CEP83: variants seen among roughly 807,000 people sequenced by gnomAD.
The protein encoded by CEP83 is centrosomal protein 83, also known as centrosomal protein of 83 kDa.
CEP83 carries 70 observed loss-of-function variants against 101.9 expected under a neutral mutation model. The observed-to-expected ratio is 0.69, with a 90% confidence interval of 0.57 to 0.84. The LOEUF (loss-of-function observed/expected upper bound fraction) is 0.84, where lower values mean the gene tolerates loss of function less well. CEP83 is among the 40% of genes least tolerant of loss of function. The pLI is 0.00. For synonymous variants in CEP83, 264 were observed against 267.9 expected (o/e 0.99, Z 0.14); for missense variants, 715 against 787.2 (o/e 0.91, Z 1.10).
chr12:94,332,253 G>A (rs1272095546), intron 13 of CEP83, among the ~76,000 whole-genome samples: 2 of 152,126 alleles, frequency 1.3e-5, no homozygotes, highest in African/African-American at 2.4e-5. Context: ...ATCAAGCCTG[G>A]TATCAAATCT....
downstream of CEP83, chr12:94,305,346 T>C: frequency 1.1e-6 from 1 of 920,098 alleles, no homozygotes. Context: ...GCAAAATGGC[T>C]GCTTGAGCTA....
downstream of CEP83, among the ~76,000 whole-genome samples, chr12:94,304,601 C>G (rs1031500853): frequency 3.9e-5 from 6 of 152,122 alleles, no homozygotes; most frequent in African/African-American, 1.2e-4. Context: ...GATTCCCCCC[C>G]AATCATGCTG....
At chr12:94,455,157 G>A (rs1315752649) in intron 1 of CEP83, among the ~76,000 whole-genome samples, 1 of 152,176 alleles carries the variant, frequency 6.6e-6, no homozygotes, top group Non-Finnish European at 1.5e-5. Context: ...TCTCTATGTG[G>A]AAAACAATGT....
chr12:94,300,484 A>AGGGCCAGGT, the CEP83 span, among the ~76,000 whole-genome samples: 1 of 152,112 alleles, frequency 6.6e-6, no homozygotes, highest in Non-Finnish European at 1.5e-5. Flanking sequence ...GTGGGATAGG[A>AGGGCCAGGT]GGGCCAGGTC....
At chr12:94,366,254 T>C (rs769456093) in intron 11 of CEP83, among the ~76,000 whole-genome samples, 11 of 151,948 alleles carry the variant, frequency 7.2e-5, no homozygotes, top group African/African-American at 1.7e-4. Flanking sequence ...CAGAATAGAA[T>C]AGAAAGAATA....
chr12:94,368,675 T>G (rs773421294), intron 9 of CEP83: 8 of 152,530 alleles, frequency 5.2e-5, no homozygotes, highest in African/African-American at 1.9e-4. Flanking sequence ...CTTTCAAGTT[T>G]GTACAATGAA....
At chr12:94,441,941 A>G (rs2066440839) in intron 1 of CEP83, among the ~76,000 whole-genome samples, 1 of 151,524 alleles carries the variant, frequency 6.6e-6, no homozygotes, top group African/African-American at 2.4e-5. Flanking sequence ...AAAAAAACTA[A>G]AAGTAGAACT....
chr12:94,336,392 T>C (rs2059448657), intron 11 of CEP83, among the ~76,000 whole-genome samples: 1 of 152,212 alleles, frequency 6.6e-6, no homozygotes, highest in Non-Finnish European at 1.5e-5. Flanking sequence ...TTCAAACGCC[T>C]ATCTCAAATA....
chr12:94,356,480 T>G (rs1406749377), intron 11 of CEP83, among the ~76,000 whole-genome samples: 2 of 152,196 alleles, frequency 1.3e-5, no homozygotes, highest in African/African-American at 4.8e-5. Flanking sequence ...CAGTGACTGT[T>G]CGAGCAGCGC....
At chr12:94,337,843 G>A (rs1255153480) in intron 11 of CEP83, among the ~76,000 whole-genome samples, 1 of 152,130 alleles carries the variant, frequency 6.6e-6, no homozygotes, top group Non-Finnish European at 1.5e-5. Flanking sequence ...AGGGGAAAAG[G>A]ACATTTTCAA....
chr12:94,397,812 A>AT (rs1163220432), intron 6 of CEP83, among the ~76,000 whole-genome samples: 1 of 152,164 alleles, frequency 6.6e-6, no homozygotes, highest in Non-Finnish European at 1.5e-5. Context: ...TTTTCCACAA[A>AT]TTTTTACATG....
At chr12:94,303,856 C>T (rs1315008954), downstream of CEP83, 1 of 1,608,172 alleles carries the variant, frequency 6.2e-7, no homozygotes, top group Admixed American at 1.7e-5. Flanking sequence ...CCTCCATTGT[C>T]ATCCTCAGAA....
chr12:94,344,897 C>T (rs534959858), intron 11 of CEP83, among the ~76,000 whole-genome samples: 32 of 152,218 alleles, frequency 2.1e-4, no homozygotes, highest in Non-Finnish European at 3.2e-4. Flanking sequence ...AGGTAGAGGA[C>T]GTGCACTACC....
At chr12:94,346,249 C>CT (rs2136689892) in intron 11 of CEP83, among the ~76,000 whole-genome samples, 1 of 152,132 alleles carries the variant, frequency 6.6e-6, no homozygotes, top group South Asian at 2.1e-4. Flanking sequence ...GACGGGGTTT[C>CT]ACTATGTTGG....
chr12:94,429,274 G>A (rs1473679109), intron 2 of CEP83, among the ~76,000 whole-genome samples: 1 of 152,078 alleles, frequency 6.6e-6, no homozygotes, highest in Non-Finnish European at 1.5e-5. Context: ...AGATGCCCAG[G>A]GGTCCACATT....
At chr12:94,398,373 T>C (rs1398106998) in intron 6 of CEP83, among the ~76,000 whole-genome samples, 3 of 152,152 alleles carry the variant, frequency 2.0e-5, no homozygotes, top group African/African-American at 7.2e-5. Flanking sequence ...GGACCCCAAA[T>C]GGAGGGACCG....
At chr12:94,333,862 T>C (rs2059343924) in intron 12 of CEP83, among the ~76,000 whole-genome samples, 1 of 152,018 alleles carries the variant, frequency 6.6e-6, no homozygotes, top group African/African-American at 2.4e-5. Context: ...CTGAGTCCCC[T>C]CCCTCTTCTT....
chr12:94,321,290 A>T (rs7979083), intron 14 of CEP83, among the ~76,000 whole-genome samples: 24,899 of 151,938 alleles, frequency 0.16, 2,507 homozygotes, highest in African/African-American at 0.28. Flanking sequence ...TGATTCTTAG[A>T]TTCCTTGGAT....
At chr12:94,401,519 A>C (rs2063255317) in intron 5 of CEP83, among the ~76,000 whole-genome samples, 1 of 152,188 alleles carries the variant, frequency 6.6e-6, no homozygotes. Context: ...AATTCCCTGG[A>C]GTGTTCTCAT....
Sources: allele counts gnomAD v4.1 joint callset (sites outside exome capture counted in the v4.1 genomes callset), GRCh38; gene constraint gnomAD v4.1.1; transcripts MANE v1.5; gene names NCBI Gene and HGNC (gene_info 2026-07-23, HGNC 2026-07-21).